MYO1F: variants seen among roughly 807,000 people sequenced by gnomAD.
The protein encoded by MYO1F is unconventional myosin-If.
In MYO1F, 60 loss-of-function variants were observed where a neutral mutation model predicts 146.6. The observed-to-expected ratio is 0.41, with a 90% CI of 0.33 to 0.51. MYO1F has a LOEUF of 0.51. Among genes scored for constraint, MYO1F ranks in the 20% least tolerant of loss-of-function variants. The pLI, the probability that MYO1F is intolerant of heterozygous loss-of-function variation, is 0.25. For synonymous variants in MYO1F, 602 were observed against 602.1 expected (o/e 1.00, Z 0.00); for missense variants, 1,274 against 1,534.3 (o/e 0.83, Z 2.83).
At chr19:8,568,645 C>G (rs553040361) in intron 1 of MYO1F, among the ~76,000 whole-genome samples, 4 of 151,452 alleles carry the variant, frequency 2.6e-5, no homozygotes, top group African/African-American at 9.7e-5. Flanking sequence ...GATTTGGCCG[C>G]GCATGGTGGC....
At chr19:8,563,158 A>G (rs1468483904) in intron 1 of MYO1F, among the ~76,000 whole-genome samples, 4 of 151,312 alleles carry the variant, frequency 2.6e-5, no homozygotes, top group Admixed American at 1.3e-4. Flanking sequence ...TGCCTGGCTA[A>G]TTTTTTGTAT....
At position 8,526,493 on chromosome 19, in the gene MYO1F, G is replaced by A. The variant is rs368326573; in HGVS notation, c.2730C>T (p.Thr910=). The change falls in exon 24 of 28, where the codon ACC becomes ACT. Residue 910 remains threonine (T), a synonymous_variant. Coordinates refer to ENST00000644032, the MANE Select transcript of MYO1F (RefSeq NM_012335.4). ...DLAVLKVGGR[T]LTVSVGDGLP... is the part of the protein sequence containing the mutation. ...GCCCATCGCCCACGCTGACCGTGAG[G>A]GTCCGACCGCCAACCTTGAGCACTG... is the stretch of plus-strand genomic sequence containing the variant. The A allele has an allele frequency of 2.5e-6, 4 of 1,571,630 alleles. No individual in the cohort carries two copies. The highest frequency in any genetic ancestry group is 3.5e-6 in the Non-Finnish European group (4 of 1,159,086).
intron 21 of MYO1F, among the ~76,000 whole-genome samples, chr19:8,529,642 A>G (rs982016555): frequency 6.6e-6 from 1 of 151,792 alleles, no homozygotes; most frequent in Non-Finnish European, 1.5e-5. Context: ...GGGTGTGTCT[A>G]GGATAGGCAA....
Position 8,522,739 on chromosome 19 carries a change from C to A in MYO1F, c.2945G>T (p.Arg982Leu). ...MSGGGTHRPP[R>L]GPPSTSLGAS... ...TCCCAGGGATGTGGACGGAGGGCCC[C>A]GGGGAGGCCTGTGGGTGCCCCCTCC... is the stretch of plus-strand genomic sequence containing the variant. Residue 982 changes from arginine (R) to leucine (L), a missense_variant, in exon 26 of 28, where the codon CGG becomes CTG. Transcript: ENST00000644032. The A allele has an allele frequency of 6.2e-7, 1 of 1,612,506 alleles. No individual in the cohort carries two copies. Among genetic ancestry groups the A allele is most frequent in the East Asian group, 2.2e-5 (1 of 44,822 alleles).
chr19:8,562,015 C>A (rs1974155754), intron 1 of MYO1F, among the ~76,000 whole-genome samples: 1 of 150,624 alleles, frequency 6.6e-6, no homozygotes, highest in African/African-American at 2.4e-5. Context: ...GCGTCTGGCC[C>A]TTCCTTCCTT....
In MYO1F at chr19:8,530,266, C is replaced by T. The variant is rs766761177; in HGVS notation, c.2258G>A (p.Arg753His). ...YLGLEERPEL[R>H]QFLGKRERVD... ...CCGCTCCCTCTTGCCCAGGAACTGA[C>T]GCAGCTCGGGCCGCTCCTCCAGCCC... The change falls in exon 21 of 28, where the codon CGT becomes CAT. Residue 753 changes from arginine to histidine, a missense_variant. This residue lies in a region of MYO1F where 900 missense variants were observed against 1,155.1 expected (regional missense o/e 0.78). Coordinates refer to ENST00000644032, the MANE Select transcript of MYO1F (RefSeq NM_012335.4). This position sits in a 1 kb window ranked among gnomAD's most constrained non-coding sequence, Gnocchi z 5.8. 17 of 1,614,032 alleles carry T rather than the reference C, an allele frequency of 1.1e-5. No individual in the cohort carries two copies. In the East Asian group the frequency reaches 1.3e-4, roughly 13 times the overall value.
intron 1 of MYO1F, among the ~76,000 whole-genome samples, chr19:8,570,076 CA>C (rs1555731441): frequency 6.6e-6 from 1 of 150,888 alleles, no homozygotes; most frequent in African/African-American, 2.4e-5. Context: ...CTGGCTAATA[CA>C]TTTTTTTTTT....
chr19:8,568,422 CAAAAA>C (rs55833513), intron 1 of MYO1F, among the ~76,000 whole-genome samples: 1 of 66,462 alleles, frequency 1.5e-5, no homozygotes, highest in African/African-American at 7.0e-5. Flanking sequence ...GACTCCGTCT[CAAAAA>C]AAAAAAAAAA....
rs567997943 is a variant in MYO1F, at chr19:8,530,691, G to A, written c.2044-118C>T. 2.5e-6 allele frequency: 2 copies of A among 804,224 alleles called. No homozygotes were observed. Among genetic ancestry groups the A allele is most frequent in the Middle Eastern group, 2.9e-4 (1 of 3,456 alleles). The allele number at this position is 804,224 out of a possible 1,614,324, so 49.8% of individuals were successfully genotyped here. On this transcript the variant is annotated intron_variant, in intron 19 of 27. Coordinates refer to ENST00000644032, the MANE Select transcript of MYO1F (RefSeq NM_012335.4). The surrounding 1 kb of genome is among the most constrained non-coding windows in gnomAD (Gnocchi z 5.8). ...CTTTTGCTCACCCATCCCCACACAT[G>A]TGCTAATTTTTTTAAGAGGCGGGGT...
chr19:8,526,434 T>C lies in MYO1F; in HGVS notation c.2770+19A>G, dbSNP rs1972268891. 6.4e-7 allele frequency: 1 copy of C among 1,550,956 alleles called. No individual in the cohort carries two copies. The highest frequency in any genetic ancestry group is 8.7e-7 in the Non-Finnish European group (1 of 1,147,496). On this transcript the variant is annotated intron_variant, in intron 24 of 27. Transcript: ENST00000644032. ...CTCGCTGGCCCCGCCCCCTCTGCCC[T>C]AGTTCCGCGCAGACTCACTGGAGCT...
chr19:8,521,261 T>G lies in MYO1F; in HGVS notation c.*267A>C. 1.9e-6 allele frequency: 1 copy of G among 516,666 alleles called. No individual in the cohort carries two copies. The highest frequency in any genetic ancestry group is 3.5e-6 in the Non-Finnish European group (1 of 282,766). The allele number at this position is 516,666 out of a possible 1,614,324, so 32.0% of individuals were successfully genotyped here. A position where few individuals can be genotyped will look rare whatever the true frequency, so the allele number is the denominator to read the frequency against. ...TCTTAATCACATGGCAGTTGGGAGG[T>G]AGATTCTGCTGTTAGTCCCCTTTGA... On this transcript the variant is annotated 3_prime_UTR_variant, in exon 28 of 28. Transcript: ENST00000644032.
chr19:8,553,092 T>A (rs1363622590), intron 6 of MYO1F, 47 bp downstream of exon 6: 2 of 1,564,630 alleles, frequency 1.3e-6, no homozygotes, highest in Non-Finnish European at 1.8e-6. Context: ...TGTAGAAAGG[T>A]CAGCACGGAG....
chr19:8,564,107 A>G lies in MYO1F; in HGVS notation c.4-8311T>C, dbSNP rs1470398187. On this transcript the variant is annotated intron_variant, in intron 1 of 27. Coordinates refer to ENST00000644032, the MANE Select transcript of MYO1F (RefSeq NM_012335.4). ...TATAAGAAGTGGGTGCTGGCCGGGC[A>G]TGGCGGCTCATGCCTATAATCCCAG... Among the ~76,000 whole-genome samples the G allele has an allele frequency of 2.6e-5, 4 of 152,116 alleles. No individual in the cohort carries two copies. The South Asian group carries it at 6.2e-4, about 24-fold the overall frequency.
chr19:8,558,067 TCTC>T (rs1245193920), intron 1 of MYO1F, among the ~76,000 whole-genome samples: 1 of 152,096 alleles, frequency 6.6e-6, no homozygotes, highest in Non-Finnish European at 1.5e-5. Flanking sequence ...GCCGTGGCCT[TCTC>T]CTCTGTGTCC....
chr19:8,560,972 T>C (rs1297655643), intron 1 of MYO1F, among the ~76,000 whole-genome samples: 4 of 151,604 alleles, frequency 2.6e-5, no homozygotes, highest in Admixed American at 1.3e-4. Context: ...CTCCTGACCT[T>C]GTGATCTGCC....
chr19:8,552,065 C>A lies in MYO1F; in HGVS notation c.604G>T (p.Glu202Ter). Reference protein sequence around the residue: ...LEKSRVVMQNENERNFHIYYQ... With the variant: ...LEKSRVVMQN ...TAGATGTGGAAGTTCCTCTCATTTT[C>A]ATTTTGCATGACCACGCGGGACTTC... The change falls in exon 7 of 28, where the codon GAA becomes TAA. Residue 202 changes from glutamate to a stop codon, truncating the protein, a stop_gained. Transcript: ENST00000644032. LOFTEE classifies it high-confidence loss of function. The A allele has an allele frequency of 6.2e-7, 1 of 1,614,094 alleles. No individual in the cohort carries two copies. Among genetic ancestry groups the A allele is most frequent in the Non-Finnish European group, 8.5e-7 (1 of 1,180,026 alleles).
intron 14 of MYO1F, among the ~76,000 whole-genome samples, chr19:8,543,729 G>GTGC (rs202022482): frequency 1.5e-3 from 18 of 12,006 alleles, no homozygotes; most frequent in Non-Finnish European, 2.3e-3. Flanking sequence ...GGTGGTGCTG[G>GTGC]TGGTGCTGGT....
At chr19:8,562,761 TG>T (rs1374354697) in intron 1 of MYO1F, among the ~76,000 whole-genome samples, 1 of 152,028 alleles carries the variant, frequency 6.6e-6, no homozygotes, top group Non-Finnish European at 1.5e-5. Flanking sequence ...CTCTAACTCC[TG>T]GGCTCAAGCA....
At position 8,577,428 on chromosome 19, in the gene MYO1F, C is replaced by T. The variant is rs1555734133; in HGVS notation, c.-119G>A. The T allele has an allele frequency of 8.4e-7, 1 of 1,184,306 alleles. No homozygotes were observed. The highest frequency in any genetic ancestry group is 1.3e-5 in the South Asian group (1 of 79,552). 73.4% of individuals were successfully genotyped at this position (1,184,306 alleles called of 1,614,324 possible). A position where few individuals can be genotyped will look rare whatever the true frequency, so the allele number is the denominator to read the frequency against. ...GCCCTGCTTCTGCCCGTTCACCGGA[C>T]TCCCGGCTTTAGTTCCTCTTACAAC... is the stretch of plus-strand genomic sequence containing the variant. On this transcript the variant is annotated 5_prime_UTR_variant, in exon 1 of 28. Coordinates refer to ENST00000644032, the MANE Select transcript of MYO1F (RefSeq NM_012335.4). The surrounding 1 kb of genome is among the most constrained non-coding windows in gnomAD (Gnocchi z 4.3).
Sources: gnomAD v4.1 joint callset for allele counts (sites outside exome capture counted in the v4.1 genomes callset) on GRCh38, gnomAD v4.1.1 for gene constraint, gnomAD v4.1.1 regional missense constraint, Gnocchi (gnomAD v3.1) non-coding constraint, MANE v1.5 for transcripts, NCBI Gene and HGNC (gene_info 2026-07-23, HGNC 2026-07-21) for gene names.